Variants in DHODH observed in about 807,000 individuals in gnomAD.
DHODH encodes dihydroorotate dehydrogenase (quinone).
A neutral mutation model predicts 39.7 loss-of-function variants in DHODH; 30 were observed. The ratio of observed to expected loss-of-function variants is 0.76; its 90% CI spans 0.57 to 1.02. The LOEUF is 1.02. Ranked by LOEUF, DHODH falls within the 50% of genes least tolerant of loss-of-function variation. The pLI, the probability that DHODH is intolerant of heterozygous loss-of-function variation, is 0.00. For synonymous variants in DHODH, 222 were observed against 213.8 expected, an observed-to-expected ratio of 1.04 and a Z score of -0.34; for missense variants, 531 against 520.8, an observed-to-expected ratio of 1.02 and a Z score of -0.19.
At chr16:72,023,066 G>A (rs942022247) in intron 6 of DHODH, 99 bp from the exon 7 acceptor site, 2 of 1,219,774 alleles carry the variant, frequency 1.6e-6, no homozygotes, top group Non-Finnish European at 2.4e-6. Context: ...GGCTGTAGGT[G>A]TGGGTACCTG....
chr16:72,025,409 T>C lies in DHODH; in HGVS notation c.*1210T>C, dbSNP rs1256007001. Reference sequence around the variant, plus strand: ...TGACATCATCCCACAAATAGAATTCTGCCATTTACTTTCTTCACTATTCTT... The same window carrying C: ...TGACATCATCCCACAAATAGAATTCCGCCATTTACTTTCTTCACTATTCTT... On this transcript the variant is annotated 3_prime_UTR_variant, in exon 9 of 9. Coordinates refer to ENST00000219240, the MANE Select transcript of DHODH (RefSeq NM_001361.5). The C allele has an allele frequency of 2.6e-5, 4 of 152,272 alleles. No homozygotes were observed. Among genetic ancestry groups the C allele is most frequent in the African/African-American group, 9.6e-5 (4 of 41,476 alleles). The allele number at this position is 152,272 out of a possible 1,614,324, so 9.4% of individuals were successfully genotyped here.
intron 4 of DHODH, among the ~76,000 whole-genome samples, chr16:72,018,233 C>CGACCAT (rs2143986429): frequency 6.6e-6 from 1 of 152,242 alleles, no homozygotes; most frequent in Non-Finnish European, 1.5e-5. Flanking sequence ...GGCTCAGTAG[C>CGACCAT]GACCATTTTC....
intron 4 of DHODH, 28 bp downstream of exon 4, chr16:72,017,134 T>C: frequency 6.2e-7 from 1 of 1,602,910 alleles, no homozygotes; most frequent in Non-Finnish European, 8.5e-7. Flanking sequence ...CAGTGGGCCT[T>C]TCTTATTTAT....
chr16:72,008,812 A>G (rs758054723), intron 1 of DHODH, 27 bp downstream of exon 1: 6 of 1,552,476 alleles, frequency 3.9e-6, no homozygotes, highest in Non-Finnish European at 5.2e-6. Flanking sequence ...AGCAGTGTGG[A>G]TGGGGGACCA....
intron 5 of DHODH, among the ~76,000 whole-genome samples, chr16:72,022,109 AAAAG>A (rs1426748060): frequency 3.3e-5 from 5 of 151,804 alleles, no homozygotes; most frequent in Non-Finnish European, 5.9e-5. Context: ...AAAAAAAAAA[AAAAG>A]AAAAGAAAAG....
At chr16:72,022,772 C>G (rs773658462) in intron 6 of DHODH, among the ~76,000 whole-genome samples, 2 of 152,194 alleles carry the variant, frequency 1.3e-5, no homozygotes, top group African/African-American at 4.8e-5. Flanking sequence ...CTTTCTCTCA[C>G]TCCTCTCTCC....
intron 7 of DHODH, 35 bp from the exon 8 acceptor site, chr16:72,023,439 C>G: frequency 3.1e-6 from 5 of 1,614,128 alleles, no homozygotes; most frequent in Non-Finnish European, 4.2e-6. Context: ...GAAGCCACAT[C>G]CTTCTTTATG....
chr16:72,022,624 C>G, intron 6 of DHODH, 149 bp downstream of exon 6: 2 of 717,814 alleles, frequency 2.8e-6, no homozygotes, highest in South Asian at 3.0e-5. Context: ...GTAACTCACC[C>G]TGTGGTCAAA....
rs533897270 is a variant in DHODH at position 72,009,892 on chromosome 16, C to A, written c.21+1107C>A. Among the ~76,000 whole-genome samples the A allele has an allele frequency of 2.0e-5, 3 of 152,256 alleles. No individual in the cohort carries two copies. The South Asian group carries it at 6.2e-4, about 32-fold the overall frequency. ...CTGGGATTACTGGCGTGAGCCACCG[C>A]GCTCGGCCTGAGTCTCTTTTTAAAA... is the stretch of plus-strand genomic sequence containing the variant. On this transcript the variant is annotated intron_variant, in intron 1 of 8. Transcript: ENST00000219240.
intron 1 of DHODH, among the ~76,000 whole-genome samples, chr16:72,011,118 A>T (rs367625805): frequency 6.6e-6 from 1 of 152,246 alleles, no homozygotes; most frequent in Non-Finnish European, 1.5e-5. Context: ...ATAAAATTAC[A>T]TGTATTTCAG....
chr16:72,017,089 A>G lies in DHODH; in HGVS notation c.500A>G (p.Gln167Arg). 4 of 1,614,130 alleles carry G rather than the reference A, an allele frequency of 2.5e-6. No individual in the cohort carries two copies. The highest frequency in any genetic ancestry group is 1.1e-5 in the South Asian group (1 of 91,086). ...EHRLRARQQK[Q>R]AKLTEDGLPL... ...AGGTTACGGGCCAGACAGCAGAAGCAGGCCAAGCTCACAGAAGGTAAAGTG... is the reference window on the plus strand; with the variant it reads ...AGGTTACGGGCCAGACAGCAGAAGCGGGCCAAGCTCACAGAAGGTAAAGTG... The change falls in exon 4 of 9, where the codon CAG becomes CGG. Residue 167 changes from glutamine to arginine, a missense_variant. Coordinates refer to ENST00000219240, the MANE Select transcript of DHODH (RefSeq NM_001361.5).
intron 1 of DHODH, among the ~76,000 whole-genome samples, chr16:72,011,677 G>C (rs1465855737): frequency 2.6e-5 from 4 of 152,154 alleles, no homozygotes; most frequent in Non-Finnish European, 5.9e-5. Context: ...ACAGGAAATG[G>C]GGCAGTTCAT....
rs780153397 is a variant in DHODH at position 72,014,492 on chromosome 16, A to G, written c.254A>G (p.His85Arg). 20 of 1,613,148 alleles carry G rather than the reference A, an allele frequency of 1.2e-5. No homozygotes were observed. The South Asian group carries it at 2.1e-4, about 17-fold the overall frequency. ...SDMLEVRVLG[H>R]KFRNPVGIAA... ...TCCCAGGAAGTGAGAGTTCTGGGCCATAAATTCCGAAATCCAGTAGGAATT... is the reference window on the plus strand; with the variant it reads ...TCCCAGGAAGTGAGAGTTCTGGGCCGTAAATTCCGAAATCCAGTAGGAATT... Residue 85 changes from histidine to arginine, a missense_variant, in exon 3 of 9, where the codon CAT becomes CGT. Physicochemically the swap from His to Arg is conservative, Grantham distance 29. Transcript: ENST00000219240.
chr16:72,026,552 TG>T lies in DHODH; in HGVS notation c.*2354del, dbSNP rs1436339745. 1 of 152,000 alleles carries T rather than the reference TG, an allele frequency of 6.6e-6. No individual in the cohort carries two copies. Among genetic ancestry groups the T allele is most frequent in the African/African-American group, 2.4e-5 (1 of 41,332 alleles). The allele number at this position is 152,000 out of a possible 1,614,324, so 9.4% of individuals were successfully genotyped here. ...CATGCCACTGTGCCCTGCTAATTTTTGTATTTTTAGTAGAGACGGGGTTTCA... is the reference window on the plus strand; with the variant it reads ...CATGCCACTGTGCCCTGCTAATTTTTTATTTTTAGTAGAGACGGGGTTTCA... On this transcript the variant is annotated 3_prime_UTR_variant, in exon 9 of 9. Transcript: ENST00000219240.
intron 6 of DHODH, 133 bp from the exon 7 acceptor site, chr16:72,023,032 G>T: frequency 1.2e-6 from 1 of 823,388 alleles, no homozygotes; most frequent in South Asian, 1.4e-5. Flanking sequence ...GAGTAGTGAG[G>T]TCTGGTGTAG....
chr16:72,013,341 G>T (rs1297990490), intron 2 of DHODH, among the ~76,000 whole-genome samples: 2 of 152,156 alleles, frequency 1.3e-5, no homozygotes, highest in Admixed American at 6.5e-5. Context: ...AATGAGTGGG[G>T]TGCAGAGATG....
At chr16:72,024,056 A>G (rs939548965) in intron 8 of DHODH, 89 bp from the exon 9 acceptor site, 21 of 1,348,310 alleles carry the variant, frequency 1.6e-5, no homozygotes, top group African/African-American at 1.1e-4. Flanking sequence ...GGCCGGGATG[A>G]TGCGTTTCTG....
rs1402865087 is a variant in DHODH, at chr16:72,023,302, G to A, written c.957G>A (p.Met319Ile). 6.2e-7 allele frequency: 1 copy of A among 1,614,202 alleles called. No individual in the cohort carries two copies. Among genetic ancestry groups the A allele is most frequent in the Non-Finnish European group, 8.5e-7 (1 of 1,180,044 alleles). The change falls in exon 7 of 9, where the codon ATG becomes ATA. Residue 319 changes from methionine to isoleucine, a missense_variant. Physicochemically the swap from Met to Ile is conservative, Grantham distance 10. Transcript: ENST00000219240. ...TATCAACTCAAACCATTCGGGAGAT[G>A]TATGCACTCACCCAAGGCAAGGTTT... ...RDLSTQTIRE[M>I]YALTQGRVPI... is the part of the protein sequence containing the mutation.
chr16:72,012,030 T>C lies in DHODH; in HGVS notation c.22-20T>C. On this transcript the variant is annotated intron_variant, in intron 1 of 8. Transcript: ENST00000219240. ...TGCAGCCTGGCCTGGGGGACCCCCC[T>C]AATATGCTCTTTTTTGCAGAAGCGG... is the stretch of plus-strand genomic sequence containing the variant. 2 of 1,612,794 alleles carry C rather than the reference T, an allele frequency of 1.2e-6. No homozygotes were observed. The highest frequency in any genetic ancestry group is 1.7e-4 in the Middle Eastern group (1 of 6,048).
Sources: allele counts gnomAD v4.1 joint callset (sites outside exome capture counted in the v4.1 genomes callset), GRCh38; gene constraint gnomAD v4.1.1; transcripts MANE v1.5; gene names NCBI Gene and HGNC (gene_info 2026-07-23, HGNC 2026-07-21).